ERBB4: variants seen among roughly 807,000 people sequenced by gnomAD.
The protein encoded by ERBB4 is receptor tyrosine-protein kinase erbB-4.
In ERBB4, 42 loss-of-function variants were observed where a neutral mutation model predicts 158.0. The observed-to-expected ratio is 0.27, with a 90% confidence interval of 0.21 to 0.34. ERBB4 has a LOEUF of 0.34. Among genes scored for constraint, ERBB4 ranks in the 10% least tolerant of loss-of-function variants. The pLI, the probability that ERBB4 is intolerant of heterozygous loss-of-function variation, is 1.00. For synonymous variants in ERBB4, 583 were observed against 558.7 expected (o/e 1.04, Z -0.61); for missense variants, 1,333 against 1,624.1 (o/e 0.82, Z 3.08).
chr2:211,380,372 A>C lies in ERBB4; in HGVS notation c.*3243T>G, dbSNP rs1222090783. On this transcript the variant is annotated 3_prime_UTR_variant, in exon 28 of 28. Transcript: ENST00000342788. ...TGCAAAATTTTTCCATACCTGCCCA[A>C]AATAGGTATAATCTACAAAGTTGGG... is the stretch of plus-strand genomic sequence containing the variant. The C allele has an allele frequency of 1.6e-5, 2 of 126,904 alleles. No individual in the cohort carries two copies. Among genetic ancestry groups the C allele is most frequent in the Non-Finnish European group, 3.3e-5 (2 of 61,524 alleles). 7.9% of individuals were successfully genotyped at this position (126,904 alleles called of 1,614,324 possible).
At chr2:212,230,762 C>T (rs2083637781) in intron 1 of ERBB4, among the ~76,000 whole-genome samples, 1 of 152,084 alleles carries the variant, frequency 6.6e-6, no homozygotes, top group African/African-American at 2.4e-5. Flanking sequence ...ACTGACATAA[C>T]TATTTAAAAT....
intron 1 of ERBB4, among the ~76,000 whole-genome samples, chr2:212,253,967 T>C (rs928607756): frequency 9.2e-5 from 14 of 152,128 alleles, no homozygotes; most frequent in Non-Finnish European, 1.9e-4. Flanking sequence ...TACAATGGTA[T>C]TTGTGTACCT....
At chr2:212,531,023 G>A (rs1023344648) in intron 1 of ERBB4, among the ~76,000 whole-genome samples, 2 of 152,056 alleles carry the variant, frequency 1.3e-5, no homozygotes, top group East Asian at 3.9e-4. Flanking sequence ...TGTTTAGTAC[G>A]CTTCAGTAAC....
chr2:212,289,387 C>T (rs1681641728), intron 1 of ERBB4, among the ~76,000 whole-genome samples: 1 of 152,098 alleles, frequency 6.6e-6, no homozygotes, highest in Non-Finnish European at 1.5e-5. Flanking sequence ...TTACATTCAG[C>T]AGATTAGAAT....
chr2:211,672,525 T>C (rs1419048201), intron 14 of ERBB4, among the ~76,000 whole-genome samples: 1 of 152,198 alleles, frequency 6.6e-6, no homozygotes, highest in Non-Finnish European at 1.5e-5. Flanking sequence ...TGGATTCTCA[T>C]AGCTCAATTC....
chr2:212,454,043 C>T (rs1052170899), intron 1 of ERBB4, among the ~76,000 whole-genome samples: 2 of 151,840 alleles, frequency 1.3e-5, no homozygotes, highest in Admixed American at 6.6e-5. Context: ...CAGGTTCAAG[C>T]GATTCTCCTG....
At chr2:211,832,045 G>A (rs1372677021) in intron 3 of ERBB4, among the ~76,000 whole-genome samples, 1 of 152,124 alleles carries the variant, frequency 6.6e-6, no homozygotes, top group African/African-American at 2.4e-5. Context: ...ACTCATTTTT[G>A]TTCTTCCCAA....
At chr2:211,650,217 G>A (rs1278477118) in intron 16 of ERBB4, among the ~76,000 whole-genome samples, 1 of 151,868 alleles carries the variant, frequency 6.6e-6, no homozygotes, top group East Asian at 1.9e-4. Context: ...ATATATGGCA[G>A]GCATAAAAAC....
chr2:212,040,139 T>A (rs1433980952), intron 2 of ERBB4, among the ~76,000 whole-genome samples: 1 of 151,818 alleles, frequency 6.6e-6, no homozygotes, highest in Admixed American at 6.6e-5. Flanking sequence ...GAGAATTCAA[T>A]GTTTCAATCA....
In ERBB4 at chr2:211,802,075, C is replaced by T. The variant is rs1480454120; in HGVS notation, c.422-13916G>A. On this transcript the variant is annotated intron_variant, in intron 3 of 27. Transcript: ENST00000342788. ...GAGATCGAGACCATCCTGGCTAACA[C>T]GGTGAAAACCCGTCTCTACTAAAAA... is the stretch of plus-strand genomic sequence containing the variant. 3.3e-5 allele frequency among the ~76,000 whole-genome samples: 5 copies of T among 152,058 alleles called. No homozygotes were observed. In the East Asian group the frequency reaches 5.8e-4, roughly 18 times the overall value.
chr2:211,525,056 A>T (rs1006350865), intron 20 of ERBB4, among the ~76,000 whole-genome samples: 1 of 152,300 alleles, frequency 6.6e-6, no homozygotes, highest in Admixed American at 6.5e-5. Flanking sequence ...GTTGCATTCC[A>T]GCAAGCCTCA....
intron 1 of ERBB4, among the ~76,000 whole-genome samples, chr2:212,384,890 A>AATACAT (rs2090621211): frequency 8.1e-6 from 1 of 123,188 alleles, no homozygotes; most frequent in Non-Finnish European, 1.7e-5. Context: ...ATGTTTGTGG[A>AATACAT]ATATATATAT....
intron 3 of ERBB4, among the ~76,000 whole-genome samples, chr2:211,824,260 T>C (rs12464025): frequency 0.23 from 35,181 of 151,976 alleles, 4,221 homozygotes; most frequent in South Asian, 0.33. Flanking sequence ...ATCTTGTAAA[T>C]TAAGTCCCCT....
At chr2:211,960,069 A>G (rs2081141057) in intron 2 of ERBB4, among the ~76,000 whole-genome samples, 1 of 152,094 alleles carries the variant, frequency 6.6e-6, no homozygotes, top group Non-Finnish European at 1.5e-5. Flanking sequence ...TAAGTTCTGA[A>G]AGGTTGTTAA....
rs2092351589 is a variant in ERBB4, at chr2:212,446,577, C to CTA, written c.82+91871_82+91872insTA. On this transcript the variant is annotated intron_variant, in intron 1 of 27. Coordinates refer to ENST00000342788, the MANE Select transcript of ERBB4 (RefSeq NM_005235.3). ...ATGTAAGTTAATACTTAATAAACTCCCATATATATATATGTATATATATAT... is the reference window on the plus strand; with the variant it reads ...ATGTAAGTTAATACTTAATAAACTCCTACATATATATATATGTATATATATAT... Among the ~76,000 whole-genome samples, 95 of 36,050 alleles carry CTA rather than the reference C, an allele frequency of 2.6e-3. 18 individuals carry two copies. Among genetic ancestry groups the CTA allele is most frequent in the Non-Finnish European group, 4.9e-3 (79 of 16,052 alleles). 23.7% of individuals were successfully genotyped at this position (36,050 alleles called of 152,430 possible).
At chr2:212,123,193 G>A (rs2079811108) in intron 2 of ERBB4, among the ~76,000 whole-genome samples, 1 of 152,054 alleles carries the variant, frequency 6.6e-6, no homozygotes, top group Non-Finnish European at 1.5e-5. Flanking sequence ...CCTGAGCTCA[G>A]GAGGTTGAGA....
chr2:212,160,021 T>G (rs1026356992), intron 1 of ERBB4, among the ~76,000 whole-genome samples: 1 of 152,032 alleles, frequency 6.6e-6, no homozygotes, highest in South Asian at 2.1e-4. Flanking sequence ...GACAAATCCA[T>G]GGCAAGCCCA....
intron 1 of ERBB4, among the ~76,000 whole-genome samples, chr2:212,206,589 C>CTTTTTTATTTTTTTTTT (rs2082755476): frequency 8.6e-6 from 1 of 116,450 alleles, no homozygotes; most frequent in African/African-American, 3.6e-5. Flanking sequence ...CTGTTCTGTT[C>CTTTTTTATTTTTTTTTT]TTTTTTTTTT....
At chr2:212,191,650 CAT>C (rs1559702528) in intron 1 of ERBB4, among the ~76,000 whole-genome samples, 1 of 102,048 alleles carries the variant, frequency 9.8e-6, no homozygotes, top group African/African-American at 3.5e-5. Context: ...ATATATAACA[CAT>C]GCGTTATACA....
Sources: allele counts gnomAD v4.1 joint callset (sites outside exome capture counted in the v4.1 genomes callset), GRCh38; gene constraint gnomAD v4.1.1; transcripts MANE v1.5; gene names NCBI Gene and HGNC (gene_info 2026-07-23, HGNC 2026-07-21).